ADAMTS3: variants seen among roughly 807,000 people sequenced by gnomAD.
The protein encoded by ADAMTS3 is A disintegrin and metalloproteinase with thrombospondin motifs 3.
ADAMTS3 carries 73 observed loss-of-function variants against 129.0 expected under a neutral mutation model. That is an observed-to-expected ratio of 0.57 (90% CI 0.47 to 0.69). The LOEUF (loss-of-function observed/expected upper bound fraction) is 0.69. ADAMTS3 is among the 30% of genes least tolerant of loss of function. The probability of loss-of-function intolerance (pLI) is 0.00; values close to 1 mark genes in which losing one functional copy is unlikely to be tolerated. For synonymous variants in ADAMTS3, 477 were observed against 510.8 expected (o/e 0.93, Z 0.89); for missense variants, 1,457 against 1,514.5 (o/e 0.96, Z 0.63).
chr4:72,306,404 TA>T (rs377149480), intron 15 of ADAMTS3, among the ~76,000 whole-genome samples: 271 of 152,162 alleles, frequency 1.8e-3, no homozygotes, highest in African/African-American at 6.1e-3. Flanking sequence ...TCTAGTTTTC[TA>T]AACCATCCTT....
intron 2 of ADAMTS3, among the ~76,000 whole-genome samples, chr4:72,556,676 T>C (rs2623533): frequency 0.028 from 4,240 of 151,844 alleles, 335 homozygotes; most frequent in African/African-American, 0.099. Context: ...TCCTGACTGA[T>C]GCACGCTTTG....
At chr4:72,440,613 CT>C (rs1718087050) in intron 3 of ADAMTS3, among the ~76,000 whole-genome samples, 1 of 151,794 alleles carries the variant, frequency 6.6e-6, no homozygotes, top group South Asian at 2.1e-4. Context: ...TGCAATCACA[CT>C]TTTCGTAACA....
At chr4:72,472,079 A>G (rs1452344282) in intron 3 of ADAMTS3, among the ~76,000 whole-genome samples, 1 of 152,160 alleles carries the variant, frequency 6.6e-6, no homozygotes, top group Non-Finnish European at 1.5e-5. Context: ...ATCTAGAAAT[A>G]AGAACTGAGT....
Position 72,534,853 on chromosome 4 carries a change from A to G in ADAMTS3, c.504+13625T>C, listed in dbSNP as rs189596769. Among the ~76,000 whole-genome samples, 423 of 152,308 alleles carry G rather than the reference A, an allele frequency of 2.8e-3. 2 individuals carry two copies. Among genetic ancestry groups the G allele is most frequent in the African/African-American group, 9.9e-3 (413 of 41,566 alleles). Reference sequence around the variant, plus strand: ...ATCCCTTTCTGAAAATTTTAGATCAATGGTTAGGGTCTAGGACCAAAATGG... The same window carrying G: ...ATCCCTTTCTGAAAATTTTAGATCAGTGGTTAGGGTCTAGGACCAAAATGG... On this transcript the variant is annotated intron_variant, in intron 3 of 21. Transcript: ENST00000286657.
intron 4 of ADAMTS3, among the ~76,000 whole-genome samples, chr4:72,402,519 T>C (rs1002587672): frequency 1.3e-5 from 2 of 152,212 alleles, no homozygotes; most frequent in African/African-American, 4.8e-5. Flanking sequence ...AGTTTATCTC[T>C]AATAAGTGCT....
intron 3 of ADAMTS3, among the ~76,000 whole-genome samples, chr4:72,540,486 C>T (rs796760152): frequency 1.8e-4 from 28 of 152,180 alleles, no homozygotes; most frequent in African/African-American, 3.6e-4. Flanking sequence ...AATTCAAGCT[C>T]GCTGCAGAAA....
chr4:72,396,236 G>T (rs1721721011), intron 4 of ADAMTS3, among the ~76,000 whole-genome samples: 1 of 152,172 alleles, frequency 6.6e-6, no homozygotes, highest in Non-Finnish European at 1.5e-5. Flanking sequence ...GGACCTTAAA[G>T]AGAGGTAAGG....
chr4:72,543,135 T>C (rs142319442), intron 3 of ADAMTS3, among the ~76,000 whole-genome samples: 4 of 152,310 alleles, frequency 2.6e-5, no homozygotes, highest in Admixed American at 2.0e-4. Context: ...TTATTTTGCA[T>C]CAAAATAAAC....
intron 17 of ADAMTS3, among the ~76,000 whole-genome samples, chr4:72,301,736 G>A (rs1183847889): frequency 6.6e-6 from 1 of 151,668 alleles, no homozygotes; most frequent in Non-Finnish European, 1.5e-5. Flanking sequence ...GGCAATGTAT[G>A]TCATGACAAA....
intron 3 of ADAMTS3, among the ~76,000 whole-genome samples, chr4:72,490,533 G>T (rs1306131777): frequency 6.6e-6 from 1 of 151,818 alleles, no homozygotes; most frequent in Non-Finnish European, 1.5e-5. Context: ...TGCATGCATT[G>T]TAAGATAAGG....
chr4:72,288,919 C>CACAT lies in ADAMTS3; in HGVS notation c.2932-55_2932-52dup, dbSNP rs762476880. On this transcript the variant is annotated intron_variant, in intron 20 of 21. Coordinates refer to ENST00000286657, the MANE Select transcript of ADAMTS3 (RefSeq NM_014243.3). ...AGACATTTATTGCACCAAGACCATG[C>CACAT]ACATACACACACACACACACACACA... 62 of 709,604 alleles carry CACAT rather than the reference C, an allele frequency of 8.7e-5. No individual in the cohort carries two copies. The African/African-American group carries it at 8.9e-4, about 10-fold the overall frequency. The allele number at this position is 709,604 out of a possible 1,614,324, so 44.0% of individuals were successfully genotyped here.
chr4:72,533,455 A>G (rs1349149224), intron 3 of ADAMTS3, among the ~76,000 whole-genome samples: 1 of 152,030 alleles, frequency 6.6e-6, no homozygotes, highest in East Asian at 1.9e-4. Context: ...TTTTTCTAAT[A>G]ACAGAAGTAC....
Position 72,283,560 on chromosome 4 carries a change from G to A in ADAMTS3, c.3194C>T (p.Ala1065Val), listed in dbSNP as rs1298267630. The A allele has an allele frequency of 6.2e-7, 1 of 1,614,054 alleles. No homozygotes were observed. The highest frequency in any genetic ancestry group is 8.5e-7 in the Non-Finnish European group (1 of 1,179,962). The change falls in exon 22 of 22, where the codon GCT (alanine) becomes GTT (valine). Residue 1065 changes from alanine (A) to valine (V), a missense_variant. Transcript: ENST00000286657. Reference sequence around the variant, plus strand: ...GATGACATCATCATGAGTTTCAGCAGCTTCTAGAAGGTATGGTGGTGGCAG... The same window carrying A: ...GATGACATCATCATGAGTTTCAGCAACTTCTAGAAGGTATGGTGGTGGCAG... Reference protein sequence around the residue: ...STLPPPYLLEAAETHDDVISN... With the variant: ...STLPPPYLLEVAETHDDVISN...
intron 3 of ADAMTS3, among the ~76,000 whole-genome samples, chr4:72,479,882 A>C (rs1285654607): frequency 6.6e-6 from 1 of 152,220 alleles, no homozygotes; most frequent in Non-Finnish European, 1.5e-5. Flanking sequence ...AGAGTGGGCA[A>C]AGGATATGAA....
At chr4:72,561,225 G>A (rs1721895771) in intron 2 of ADAMTS3, among the ~76,000 whole-genome samples, 1 of 152,152 alleles carries the variant, frequency 6.6e-6, no homozygotes, top group Admixed American at 6.5e-5. Flanking sequence ...GTATGCACCT[G>A]TAGTCCCAGC....
At chr4:72,383,249 G>GA (rs934511715) in intron 4 of ADAMTS3, among the ~76,000 whole-genome samples, 33 of 151,350 alleles carry the variant, frequency 2.2e-4, no homozygotes, top group Middle Eastern at 3.4e-3. Flanking sequence ...AAATAAAATA[G>GA]AAAAAAAAGC....
chr4:72,312,165 C>T lies in ADAMTS3; in HGVS notation c.1921+126G>A, dbSNP rs372839272. ...ATTCTTAGAAACCCAGGAGAACTTA[C>T]TCCTATAAGCACCAAGTTTCCTAAG... On this transcript the variant is annotated intron_variant, in intron 13 of 21. Transcript: ENST00000286657. 1.6e-5 allele frequency: 15 copies of T among 966,812 alleles called. No individual in the cohort carries two copies. The African/African-American group carries it at 2.0e-4, about 13-fold the overall frequency. The allele number at this position is 966,812 out of a possible 1,614,324, so 59.9% of individuals were successfully genotyped here.
At chr4:72,364,122 T>C (rs909068530) in intron 4 of ADAMTS3, among the ~76,000 whole-genome samples, 1 of 152,086 alleles carries the variant, frequency 6.6e-6, no homozygotes, top group Non-Finnish European at 1.5e-5. Flanking sequence ...ATCCAGTCCA[T>C]AGTGATGAAT....
intron 3 of ADAMTS3, among the ~76,000 whole-genome samples, chr4:72,526,093 G>A (rs751286898): frequency 1.2e-4 from 19 of 152,154 alleles, no homozygotes; most frequent in African/African-American, 3.1e-4. Context: ...TCCCTACACC[G>A]GTGCCCAGGC....
Sources: gnomAD v4.1 joint callset for allele counts (sites outside exome capture counted in the v4.1 genomes callset) on GRCh38, gnomAD v4.1.1 for gene constraint, MANE v1.5 for transcripts, NCBI Gene and HGNC (gene_info 2026-07-23, HGNC 2026-07-21) for gene names.